Variants in MED23 observed in about 807,000 individuals in gnomAD.
The protein encoded by MED23 is mediator complex subunit 23.
A neutral mutation model predicts 163.9 loss-of-function variants in MED23; 105 were observed. The ratio of observed to expected loss-of-function variants is 0.64; its 90% confidence interval spans 0.55 to 0.75. The LOEUF (loss-of-function observed/expected upper bound fraction) is 0.75, where lower values mean the gene tolerates loss of function less well. Among genes scored for constraint, MED23 ranks in the 30% least tolerant of loss-of-function variants. The probability of loss-of-function intolerance (pLI) is 0.00; values close to 1 mark genes in which losing one functional copy is unlikely to be tolerated. For missense variants in MED23, 1,054 were observed against 1,649.0 expected (o/e 0.64, Z 6.25); for synonymous variants, 561 against 565.6 (o/e 0.99, Z 0.12).
intron 10 of MED23, chr6:131,615,177 A>C: frequency 1.5e-6 from 1 of 675,810 alleles, no homozygotes; most frequent in East Asian, 3.1e-5. Context: ...TATCCCAAGA[A>C]GAAATCGTTT....
At chr6:131,579,454 CTT>C (rs1444405485) in intron 30 of MED23, 5 of 646,586 alleles carry the variant, frequency 7.7e-6, no homozygotes, top group African/African-American at 1.8e-5. Context: ...TAGAAACAGA[CTT>C]CGCTCAATTT....
chr6:131,623,987 T>C (rs1037084569), intron 4 of MED23, among the ~76,000 whole-genome samples: 4 of 152,256 alleles, frequency 2.6e-5, no homozygotes, highest in African/African-American at 9.6e-5. Flanking sequence ...TTTACTTGTA[T>C]GAAAGATCAA....
intron 30 of MED23, chr6:131,576,705 G>A: frequency 1.2e-6 from 2 of 1,614,084 alleles, no homozygotes; most frequent in Non-Finnish European, 1.7e-6. Context: ...ATTGAGAAAG[G>A]CTGGTCTGCT....
In MED23 at chr6:131,615,472, G is replaced by A. The variant is rs549897016; in HGVS notation, c.876+435C>T. The A allele has an allele frequency of 2.1e-3, 660 of 321,630 alleles. 4 individuals carry two copies. In the Middle Eastern group the frequency reaches 0.032, roughly 15 times the overall value. 19.9% of individuals were successfully genotyped at this position (321,630 alleles called of 1,614,324 possible). A position where few individuals can be genotyped will look rare whatever the true frequency, so the allele number is the denominator to read the frequency against. On this transcript the variant is annotated intron_variant, in intron 10 of 28. Coordinates refer to ENST00000368068, the MANE Select transcript of MED23 (RefSeq NM_004830.4). ...AGAGTCAGCACAAACCCTCCCACAT[G>A]TTAAACCACCAAAAACAAGCAAACA... is the stretch of plus-strand genomic sequence containing the variant.
Position 131,596,600 on chromosome 6 carries a change from C to T in MED23, c.2696G>A (p.Arg899Gln), listed in dbSNP as rs750084430. Residue 899 changes from arginine to glutamine, a missense_variant, in exon 21 of 29, where the codon CGA becomes CAA. Physicochemically the swap from Arg to Gln is conservative, Grantham distance 43. Around this residue, in one of 11 missense-constraint regions of MED23, gnomAD observed 228 missense variants for 461.3 expected, o/e 0.49. Transcript: ENST00000368068. ...ATTTTCCTTCACAAAGTCACTTACT[C>T]GATTTCTAAAATCGTTTGGTTTGAG... ...LLLKPNDFRN[R>Q]VSDFVKENSP... The T allele has an allele frequency of 5.6e-6, 9 of 1,614,096 alleles. No homozygotes were observed. The highest frequency in any genetic ancestry group is 4.5e-5 in the East Asian group (2 of 44,868).
intron 10 of MED23, 22 bp downstream of exon 10, chr6:131,615,885 G>A: frequency 1.3e-6 from 2 of 1,550,756 alleles, no homozygotes; most frequent in Non-Finnish European, 1.8e-6. Flanking sequence ...GAATTTACTA[G>A]GTTTCCAGCA....
intron 30 of MED23, among the ~76,000 whole-genome samples, chr6:131,576,957 C>A (rs976483831): frequency 2.0e-5 from 3 of 151,382 alleles, no homozygotes; most frequent in Non-Finnish European, 2.9e-5. Context: ...TCTTTCCAGC[C>A]AAACTACAGT....
At chr6:131,591,230 G>A (rs903450196) in intron 26 of MED23, 83 bp downstream of exon 26, 9 of 1,040,196 alleles carry the variant, frequency 8.7e-6, no homozygotes, top group Middle Eastern at 2.8e-4. Context: ...TGCCCACCTC[G>A]GCCTCCCAAA....
At chr6:131,589,726 T>G (rs763921834) in intron 27 of MED23, 130 bp from the exon 28 acceptor site, 192 of 790,768 alleles carry the variant, frequency 2.4e-4, no homozygotes, top group Non-Finnish European at 3.7e-4. Flanking sequence ...TCATATACCA[T>G]ATACACCTCT....
intron 10 of MED23, among the ~76,000 whole-genome samples, chr6:131,613,084 A>G (rs1585539072): frequency 9.5e-6 from 1 of 105,186 alleles, no homozygotes; most frequent in African/African-American, 3.2e-5. Context: ...TTTAACCAAG[A>G]AAGTTACCCA....
chr6:131,607,135 C>T (rs868836029), intron 12 of MED23, among the ~76,000 whole-genome samples: 5 of 151,726 alleles, frequency 3.3e-5, no homozygotes, highest in Non-Finnish European at 7.4e-5. Context: ...AATTGTCCAA[C>T]ATTAACAAAA....
intron 16 of MED23, 79 bp downstream of exon 16, chr6:131,602,945 TAAGGTA>T (rs1775596282): frequency 7.5e-7 from 1 of 1,338,584 alleles, no homozygotes; most frequent in Non-Finnish European, 1.0e-6. Context: ...AAAAAAACTA[TAAGGTA>T]AAGGTAAAGG....
intron 30 of MED23, among the ~76,000 whole-genome samples, chr6:131,577,587 G>A (rs991655828): frequency 2.0e-5 from 3 of 151,944 alleles, no homozygotes; most frequent in South Asian, 2.1e-4. Context: ...TCCATGCAAC[G>A]AGATAGTATT....
rs781708723 is a variant in MED23 at position 131,619,766 on chromosome 6, T to C, written c.667+61A>G. ...ATTAAGAGAACATCCCTCAGCTTTG[T>C]TCAATAATTAGATTACTAAAAATCA... is the stretch of plus-strand genomic sequence containing the variant. On this transcript the variant is annotated intron_variant, in intron 8 of 28. Transcript: ENST00000368068. 6 of 1,278,774 alleles carry C rather than the reference T, an allele frequency of 4.7e-6. No individual in the cohort carries two copies. In the East Asian group the frequency reaches 1.2e-4, roughly 25 times the overall value. 79.2% of individuals were successfully genotyped at this position (1,278,774 alleles called of 1,614,324 possible). A position where few individuals can be genotyped will look rare whatever the true frequency, so the allele number is the denominator to read the frequency against.
downstream of MED23, chr6:131,583,955 A>T: frequency 6.3e-7 from 1 of 1,593,050 alleles, no homozygotes; most frequent in Non-Finnish European, 8.6e-7. Flanking sequence ...GCATAATTAG[A>T]AAGCTAATCA....
chr6:131,610,318 C>G, intron 10 of MED23, 72 bp from the exon 11 acceptor site: 1 of 1,425,202 alleles, frequency 7.0e-7, no homozygotes, highest in Non-Finnish European at 9.7e-7. Flanking sequence ...AGTTAATGGG[C>G]ATTAATTGTA....
chr6:131,583,684 A>G (rs1774056071), downstream of MED23: 1 of 1,576,698 alleles, frequency 6.3e-7, no homozygotes, highest in Non-Finnish European at 8.7e-7. Flanking sequence ...GTCTGTCTGT[A>G]CTACTTTCAA....
In MED23 at chr6:131,587,401, T is replaced by C; in HGVS notation, c.*278A>G. On this transcript the variant is annotated 3_prime_UTR_variant, in exon 29 of 29. Coordinates refer to ENST00000368068, the MANE Select transcript of MED23 (RefSeq NM_004830.4). ...CTGAAAGTGCCAATGACAAGTCATT[T>C]GATCACAGATACCTCTATGTTCCTA... 8.1e-7 allele frequency: 1 copy of C among 1,229,654 alleles called. No homozygotes were observed. Among genetic ancestry groups the C allele is most frequent in the Non-Finnish European group, 1.0e-6 (1 of 981,806 alleles). The allele number at this position is 1,229,654 out of a possible 1,614,324, so 76.2% of individuals were successfully genotyped here.
chr6:131,603,274 C>T, intron 15 of MED23, 70 bp from the exon 16 acceptor site: 6 of 1,410,862 alleles, frequency 4.3e-6, no homozygotes, highest in Non-Finnish European at 6.0e-6. Context: ...TGAAGAAAGT[C>T]ACATTGAGTA....
Sources: allele counts gnomAD v4.1 joint callset (sites outside exome capture counted in the v4.1 genomes callset), GRCh38; gene constraint gnomAD v4.1.1; regional missense constraint gnomAD v4.1.1; transcripts MANE v1.5; gene names NCBI Gene and HGNC (gene_info 2026-07-23, HGNC 2026-07-21).